Variants in MYRIP observed in about 807,000 individuals in gnomAD.
MYRIP encodes the protein rab effector MyRIP.
Under a neutral mutation model 98.0 loss-of-function variants are expected in MYRIP, and 49 were observed. That is an observed-to-expected ratio of 0.50 (90% CI 0.40 to 0.63). The LOEUF (loss-of-function observed/expected upper bound fraction) is 0.63. Ranked by LOEUF, MYRIP falls within the 30% of genes least tolerant of loss-of-function variation. The pLI, the probability that MYRIP is intolerant of heterozygous loss-of-function variation, is 0.00. For synonymous variants in MYRIP, 404 were observed against 409.5 expected, an observed-to-expected ratio of 0.99 and a Z score of 0.16; for missense variants, 1,004 against 1,058.2, an observed-to-expected ratio of 0.95 and a Z score of 0.71.
intron 1 of MYRIP, among the ~76,000 whole-genome samples, chr3:39,884,617 T>C (rs1408423788): frequency 1.3e-5 from 2 of 152,122 alleles, no homozygotes; most frequent in African/African-American, 2.4e-5. Flanking sequence ...TAGAAACATA[T>C]ATTTTGTTTC....
intron 3 of MYRIP, among the ~76,000 whole-genome samples, chr3:40,063,421 G>A (rs879663854): frequency 6.6e-6 from 1 of 152,158 alleles, no homozygotes; most frequent in Admixed American, 6.5e-5. Flanking sequence ...CAGTAGTAAA[G>A]CAACATATTT....
intron 1 of MYRIP, among the ~76,000 whole-genome samples, chr3:39,827,402 C>T (rs549532477): frequency 1.3e-5 from 2 of 152,150 alleles, no homozygotes; most frequent in African/African-American, 4.8e-5. Flanking sequence ...CGTGAGCCAC[C>T]GCATCAAGCC....
intron 2 of MYRIP, among the ~76,000 whole-genome samples, chr3:40,018,754 G>A (rs1946925185): frequency 1.3e-5 from 2 of 152,122 alleles, no homozygotes; most frequent in South Asian, 2.1e-4. Context: ...TCCAAAAAGA[G>A]GTTACTTCCA....
At chr3:40,133,965 G>A (rs904049367) in intron 3 of MYRIP, among the ~76,000 whole-genome samples, 2 of 152,208 alleles carry the variant, frequency 1.3e-5, no homozygotes, top group South Asian at 2.1e-4. Flanking sequence ...CGATGCAAAA[G>A]ACGGGTGATT....
At chr3:40,177,842 C>T (rs1950800876) in intron 8 of MYRIP, among the ~76,000 whole-genome samples, 1 of 152,192 alleles carries the variant, frequency 6.6e-6, no homozygotes, top group Non-Finnish European at 1.5e-5. Flanking sequence ...TAAGGTGAAT[C>T]TCTGTCTGGC....
chr3:40,052,637 G>T (rs1433533754), intron 3 of MYRIP, among the ~76,000 whole-genome samples: 1 of 152,042 alleles, frequency 6.6e-6, no homozygotes, highest in Non-Finnish European at 1.5e-5. Flanking sequence ...GCATATCCAA[G>T]CACTCTTTTT....
At chr3:40,129,218 C>T (rs1052580276) in intron 3 of MYRIP, among the ~76,000 whole-genome samples, 4 of 151,762 alleles carry the variant, frequency 2.6e-5, no homozygotes, top group African/African-American at 9.7e-5. Context: ...AGGCAGATCA[C>T]TTGAGCTCAG....
chr3:40,219,424 T>G (rs1465815275), intron 11 of MYRIP, among the ~76,000 whole-genome samples: 1 of 152,210 alleles, frequency 6.6e-6, no homozygotes, highest in Non-Finnish European at 1.5e-5. Flanking sequence ...CAAGTTGGTG[T>G]GCTGCACCCA....
At chr3:40,153,346 T>A (rs536663302) in intron 4 of MYRIP, among the ~76,000 whole-genome samples, 1 of 152,324 alleles carries the variant, frequency 6.6e-6, no homozygotes, top group South Asian at 2.1e-4. Flanking sequence ...ACTTCAAGTA[T>A]AGAGAAATCT....
At chr3:40,228,041 A>G (rs1044026612) in intron 11 of MYRIP, among the ~76,000 whole-genome samples, 4 of 152,154 alleles carry the variant, frequency 2.6e-5, no homozygotes, top group Admixed American at 6.5e-5. Context: ...AGCACCCCCA[A>G]TTGTCTCCCT....
At chr3:40,166,593 GA>G (rs1441186063) in intron 5 of MYRIP, among the ~76,000 whole-genome samples, 3 of 152,176 alleles carry the variant, frequency 2.0e-5, no homozygotes, top group African/African-American at 4.8e-5. Context: ...TATGGAGCAA[GA>G]GTCTAGGAGG....
chr3:40,168,672 T>C (rs753114186), intron 7 of MYRIP, among the ~76,000 whole-genome samples: 1 of 152,206 alleles, frequency 6.6e-6, no homozygotes, highest in Non-Finnish European at 1.5e-5. Context: ...TGAGGGCACA[T>C]CAGCTGCCTG....
rs560698653 is a variant in MYRIP, at chr3:40,096,760, A to C, written c.332+52489A>C. Among the ~76,000 whole-genome samples, 8 of 152,346 alleles carry C rather than the reference A, an allele frequency of 5.3e-5. No homozygotes were observed. The East Asian group carries it at 1.5e-3, about 29-fold the overall frequency. On this transcript the variant is annotated intron_variant, in intron 3 of 16. Transcript: ENST00000302541. ...CAGAGCAGCAGGGCTGAGAGCGTGG[A>C]TCACAATGTGGCATTGGGCAAAGGC...
At position 40,044,202 on chromosome 3, in the gene MYRIP, T is replaced by C; in HGVS notation, c.263T>C (p.Val88Ala). 1 of 1,614,206 alleles carries C rather than the reference T, an allele frequency of 6.2e-7. No individual in the cohort carries two copies. The highest frequency in any genetic ancestry group is 8.5e-7 in the Non-Finnish European group (1 of 1,180,030). ...KRQCGDCKFN[V>A]CKSCCSYQKH... is the part of the protein sequence containing the mutation. The stretch of plus-strand genomic sequence containing the variant: ...CAGTGTGGAGATTGCAAATTCAATG[T>C]CTGCAAGAGCTGCTGCTCCTACCAG... The change falls in exon 3 of 17, where the codon GTC becomes GCC. Residue 88 changes from valine (V) to alanine (A), a missense_variant. Val to Ala is a moderately conservative substitution (Grantham distance 64). Coordinates refer to ENST00000302541, the MANE Select transcript of MYRIP (RefSeq NM_015460.4).
chr3:40,231,412 G>T (rs189826096), intron 11 of MYRIP, among the ~76,000 whole-genome samples: 280 of 152,302 alleles, frequency 1.8e-3, no homozygotes, highest in South Asian at 6.0e-3. Context: ...CACACCATAG[G>T]TTCCCAATAA....
At chr3:40,069,386 C>T (rs956525809) in intron 3 of MYRIP, among the ~76,000 whole-genome samples, 1 of 145,104 alleles carries the variant, frequency 6.9e-6, no homozygotes, top group Non-Finnish European at 1.5e-5. Context: ...GGCCAAATTT[C>T]GCAAGATACT....
chr3:40,123,117 T>C (rs1949439907), intron 3 of MYRIP, among the ~76,000 whole-genome samples: 1 of 152,240 alleles, frequency 6.6e-6, no homozygotes, highest in Admixed American at 6.5e-5. Flanking sequence ...TTAAATCCTA[T>C]AGAAATGTTA....
At chr3:39,910,152 G>A (rs754804507) in intron 2 of MYRIP, among the ~76,000 whole-genome samples, 7 of 152,134 alleles carry the variant, frequency 4.6e-5, no homozygotes, top group Non-Finnish European at 8.8e-5. Context: ...GCCTCCCAAA[G>A]TGCTGGGATT....
rs560287761 is a variant in MYRIP, at chr3:40,163,266, A to G, written c.550+456A>G. The stretch of plus-strand genomic sequence containing the variant: ...ATTTTATCATTTCAATTCTTTGTCT[A>G]AAGTACTGGACATTGATAATCAGTG... On this transcript the variant is annotated intron_variant, in intron 5 of 16. Coordinates refer to ENST00000302541, the MANE Select transcript of MYRIP (RefSeq NM_015460.4). 3.3e-5 allele frequency among the ~76,000 whole-genome samples: 5 copies of G among 152,316 alleles called. No homozygotes were observed. The South Asian group carries it at 8.3e-4, about 25-fold the overall frequency.
Sources: allele counts gnomAD v4.1 joint callset (sites outside exome capture counted in the v4.1 genomes callset), GRCh38; gene constraint gnomAD v4.1.1; transcripts MANE v1.5; gene names NCBI Gene and HGNC (gene_info 2026-07-23, HGNC 2026-07-21).